The following TRPM3 variants were observed in gnomAD, a reference collection of about 807,000 sequenced individuals.
The protein encoded by TRPM3 is transient receptor potential cation channel subfamily M member 3.
Under a neutral mutation model 181.2 loss-of-function variants are expected in TRPM3, and 77 were observed. The observed-to-expected ratio is 0.42, with a 90% CI of 0.35 to 0.51. The LOEUF (loss-of-function observed/expected upper bound fraction) is 0.51, where lower values mean the gene tolerates loss of function less well. Ranked by LOEUF, TRPM3 falls within the 20% of genes least tolerant of loss-of-function variation. TRPM3 has a pLI of 0.01. For synonymous variants in TRPM3, 745 were observed against 796.4 expected (o/e 0.94, Z 1.09); for missense variants, 1,759 against 2,196.7 (o/e 0.80, Z 3.98).
intron 1 of TRPM3, among the ~76,000 whole-genome samples, chr9:70,909,807 A>G (rs1034397636): frequency 6.6e-6 from 1 of 152,204 alleles, no homozygotes; most frequent in African/African-American, 2.4e-5. Flanking sequence ...GGTTTTTGCC[A>G]TTAAAGGTGA....
At chr9:71,102,853 C>T (rs1015158815) in intron 1 of TRPM3, among the ~76,000 whole-genome samples, 1 of 152,118 alleles carries the variant, frequency 6.6e-6, no homozygotes, top group Admixed American at 6.6e-5. Context: ...CTTTGCATTG[C>T]TAACGTAACA....
chr9:71,188,749 G>C (rs762312056), intron 1 of TRPM3, among the ~76,000 whole-genome samples: 1 of 151,830 alleles, frequency 6.6e-6, no homozygotes, highest in Admixed American at 6.6e-5. Context: ...AGTCAAATTA[G>C]CTACTCACTA....
chr9:71,078,226 G>A (rs1324076991), intron 1 of TRPM3, among the ~76,000 whole-genome samples: 6 of 151,994 alleles, frequency 3.9e-5, no homozygotes, highest in Non-Finnish European at 7.4e-5. Context: ...TCTTTGAAAC[G>A]AAATATACAG....
rs2133010814 is a variant in TRPM3, at chr9:70,610,745, A to G, written c.2531T>C (p.Met844Thr). 6.2e-7 allele frequency: 1 copy of G among 1,614,116 alleles called. No individual in the cohort carries two copies. Among genetic ancestry groups the G allele is most frequent in the Non-Finnish European group, 8.5e-7 (1 of 1,179,992 alleles). Residue 844 changes from methionine to threonine, a missense_variant, in exon 19 of 26, where the codon ATG becomes ACG. Physicochemically the swap from Met to Thr is moderately conservative, Grantham distance 81. Around this residue, in one of 8 missense-constraint regions of TRPM3, gnomAD observed 114 missense variants for 134.8 expected, o/e 0.85. Coordinates refer to ENST00000677713, the MANE Select transcript of TRPM3 (RefSeq NM_001366145.2). ...GGACTCCCCGTTGTTTCGTCCCAAC[A>G]TTGCCTATGTTGGAAGAGAATCGAT... ...KEEEDMELTA[M>T]LGRNNGESSR...
At chr9:71,275,803 T>A (rs1470134268) in intron 1 of TRPM3, among the ~76,000 whole-genome samples, 3 of 151,972 alleles carry the variant, frequency 2.0e-5, no homozygotes, top group Non-Finnish European at 4.4e-5. Context: ...AAATGCAATA[T>A]ATGAGTAAGT....
At chr9:70,784,516 G>A (rs548049112) in intron 6 of TRPM3, among the ~76,000 whole-genome samples, 1 of 152,210 alleles carries the variant, frequency 6.6e-6, no homozygotes, top group Admixed American at 6.5e-5. Flanking sequence ...AGGATGCTGG[G>A]GTCAGTGAAG....
At chr9:71,205,856 A>G (rs1339776581) in intron 1 of TRPM3, among the ~76,000 whole-genome samples, 1 of 152,190 alleles carries the variant, frequency 6.6e-6, no homozygotes, top group Non-Finnish European at 1.5e-5. Context: ...AAATGACCTA[A>G]ATCCCTGTGT....
At chr9:70,936,889 T>C (rs1303871969) in intron 1 of TRPM3, among the ~76,000 whole-genome samples, 1 of 152,244 alleles carries the variant, frequency 6.6e-6, no homozygotes. Context: ...GTCTGTCTTC[T>C]AGGCTCTTAG....
At chr9:71,191,661 C>A (rs10868970) in intron 1 of TRPM3, among the ~76,000 whole-genome samples, 41,987 of 151,670 alleles carry the variant, frequency 0.28, 6,218 homozygotes, top group Admixed American at 0.36. Flanking sequence ...AAGATAAAAA[C>A]CATTTTTAAG....
At chr9:71,092,928 C>T (rs187121384) in intron 1 of TRPM3, among the ~76,000 whole-genome samples, 28 of 152,206 alleles carry the variant, frequency 1.8e-4, no homozygotes, top group Non-Finnish European at 4.4e-5. Flanking sequence ...ACAGAGCACT[C>T]AGAAATACCA....
At chr9:71,004,427 C>T (rs190932427) in intron 1 of TRPM3, among the ~76,000 whole-genome samples, 15 of 152,358 alleles carry the variant, frequency 9.8e-5, no homozygotes, top group East Asian at 5.8e-4. Context: ...TTCCGCAATC[C>T]GGGAAGCAAC....
chr9:70,905,338 G>A (rs2096447840), intron 1 of TRPM3, among the ~76,000 whole-genome samples: 1 of 152,146 alleles, frequency 6.6e-6, no homozygotes, highest in Non-Finnish European at 1.5e-5. Context: ...GTTCAATTTT[G>A]TTTAAACCAA....
In TRPM3 at chr9:70,967,710, C is replaced by T. The variant is rs183860604; in HGVS notation, c.178-103199G>A. Reference sequence around the variant, plus strand: ...TGAGTAAAACAAGACTCAACAATTTCTTTTTAGCCTTCCATAATTCTTAGC... The same window carrying T: ...TGAGTAAAACAAGACTCAACAATTTTTTTTTAGCCTTCCATAATTCTTAGC... On this transcript the variant is annotated intron_variant, in intron 1 of 25. Transcript: ENST00000677713. Among the ~76,000 whole-genome samples, 785 of 152,174 alleles carry T rather than the reference C, an allele frequency of 5.2e-3. 7 individuals are homozygous for T. Among genetic ancestry groups the T allele is most frequent in the African/African-American group, 0.018 (751 of 41,536 alleles).
At chr9:70,666,260 T>TG (rs2061832144) in intron 9 of TRPM3, among the ~76,000 whole-genome samples, 1 of 152,206 alleles carries the variant, frequency 6.6e-6, no homozygotes, top group Admixed American at 6.5e-5. Flanking sequence ...CCTAAGCTCC[T>TG]GGGGGCAGAA....
chr9:70,548,987 T>C (rs545883128), intron 25 of TRPM3, among the ~76,000 whole-genome samples: 1 of 152,354 alleles, frequency 6.6e-6, no homozygotes, highest in African/African-American at 2.4e-5. Context: ...AAATCTGCTT[T>C]TATTATTTTT....
intron 8 of TRPM3, among the ~76,000 whole-genome samples, chr9:70,683,710 A>T (rs987733740): frequency 6.6e-6 from 1 of 152,178 alleles, no homozygotes; most frequent in Non-Finnish European, 1.5e-5. Flanking sequence ...CTGCTTCTGC[A>T]TAACTACAGG....
intron 5 of TRPM3, among the ~76,000 whole-genome samples, chr9:70,828,268 T>C (rs564095622): frequency 2.6e-4 from 39 of 152,232 alleles, no homozygotes; most frequent in Non-Finnish European, 4.9e-4. Context: ...ATAGAGATGG[T>C]GCTCTCATTG....
chr9:70,744,611 C>G (rs756064574), intron 8 of TRPM3, among the ~76,000 whole-genome samples: 1 of 152,088 alleles, frequency 6.6e-6, no homozygotes, highest in African/African-American at 2.4e-5. Context: ...TTGTTTTTCA[C>G]GTCAATGAAT....
At chr9:70,590,881 T>C (rs2058004892) in intron 22 of TRPM3, 150 bp downstream of exon 22, 2 of 953,682 alleles carry the variant, frequency 2.1e-6, no homozygotes, top group African/African-American at 1.7e-5. Context: ...TCACCTTCTG[T>C]AATTTTTGTT....
Sources: allele counts gnomAD v4.1 joint callset (sites outside exome capture counted in the v4.1 genomes callset), GRCh38; gene constraint gnomAD v4.1.1; regional missense constraint gnomAD v4.1.1; transcripts MANE v1.5; gene names NCBI Gene and HGNC (gene_info 2026-07-23, HGNC 2026-07-21).